CXCL1: variants seen among roughly 807,000 people sequenced by gnomAD.
The protein encoded by CXCL1 is C-X-C motif chemokine ligand 1, also known as growth-regulated alpha protein.
In CXCL1, 9 loss-of-function variants were observed where a neutral mutation model predicts 11.7. The observed-to-expected ratio is 0.77, with a 90% CI of 0.46 to 1.34. CXCL1 has a LOEUF of 1.34. Among genes scored for constraint, CXCL1 ranks in the 40% most tolerant of loss-of-function variants. CXCL1 has a pLI of 0.00. For synonymous variants in CXCL1, 78 were observed against 59.1 expected (o/e 1.32, Z -1.47); for missense variants, 146 against 138.1 (o/e 1.06, Z -0.29).
Position 73,870,645 on chromosome 4 carries a change from C to T in CXCL1, c.*109C>T. 1.5e-6 allele frequency: 2 copies of T among 1,319,520 alleles called. No homozygotes were observed. Among genetic ancestry groups the T allele is most frequent in the Middle Eastern group, 2.6e-4 (1 of 3,838 alleles). 81.7% of individuals were successfully genotyped at this position (1,319,520 alleles called of 1,614,324 possible). A position where few individuals can be genotyped will look rare whatever the true frequency, so the allele number is the denominator to read the frequency against. ...AGCTGCAGAGGCCACCTGGATTGTG[C>T]CTAATGTGTTTGAGCATCGCTTAGG... On this transcript the variant is annotated 3_prime_UTR_variant, in exon 4 of 4. Transcript: ENST00000395761.
intron 3 of CXCL1, 48 bp from the exon 4 acceptor site, chr4:73,870,473 A>G (rs777069333): frequency 3.7e-6 from 6 of 1,612,860 alleles, no homozygotes; most frequent in Non-Finnish European, 3.4e-6. Flanking sequence ...GTGTTGTGCA[A>G]TCAGCTTTCC....
Position 73,869,929 on chromosome 4 carries a change from A to T in CXCL1, c.248A>T (p.Lys83Ile), listed in dbSNP as rs760994074. The T allele has an allele frequency of 5.6e-6, 9 of 1,614,140 alleles. No homozygotes were observed. In the South Asian group the frequency reaches 9.9e-5, roughly 18 times the overall value. ...EVIATLKNGR[K>I]ACLNPASPIV... ...AGAGCCACACTCAAGAATGGGCGGA[A>T]AGCTTGCCTCAATCCTGCATCCCCC... Residue 83 changes from lysine (K) to isoleucine (I), a missense_variant, in exon 3 of 4, where the codon AAA (lysine) becomes ATA (isoleucine). Lys to Ile is a moderately radical substitution (Grantham distance 102). Coordinates refer to ENST00000395761, the MANE Select transcript of CXCL1 (RefSeq NM_001511.4).
Position 73,869,405 on chromosome 4 carries a change from C to T in CXCL1, c.-66C>T, listed in dbSNP as rs1731881297. 1 of 1,513,534 alleles carries T rather than the reference C, an allele frequency of 6.6e-7. No homozygotes were observed. The highest frequency in any genetic ancestry group is 8.9e-7 in the Non-Finnish European group (1 of 1,125,848). The allele number at this position is 1,513,534 out of a possible 1,614,324, so 93.8% of individuals were successfully genotyped here. A position where few individuals can be genotyped will look rare whatever the true frequency, so the allele number is the denominator to read the frequency against. On this transcript the variant is annotated 5_prime_UTR_variant, in exon 1 of 4. Coordinates refer to ENST00000395761, the MANE Select transcript of CXCL1 (RefSeq NM_001511.4). ...ATCTCGGAGAGCCACAGAGCCCGGG[C>T]CGCAGGCACCTCCTCGCCAGCTCTT...
At position 73,869,482 on chromosome 4, in the gene CXCL1, T is replaced by C. The variant is rs775928119; in HGVS notation, c.12T>C (p.Ala4=). The C allele has an allele frequency of 4.2e-5, 66 of 1,569,604 alleles. No individual in the cohort carries two copies. The highest frequency in any genetic ancestry group is 2.8e-4 in the South Asian group (24 of 87,132). The change falls in exon 1 of 4, where the codon GCT becomes GCC. Residue 4 remains alanine, a synonymous_variant. Transcript: ENST00000395761. MAR[A]ALSAAPSNPR... is the part of the protein sequence containing the mutation. ...GCCTGCTGAGCCCCATGGCCCGCGC[T>C]GCTCTCTCCGCCGCCCCCAGCAATC...
rs562459448 is a variant in CXCL1 at position 73,871,300 on chromosome 4, A to C, written c.*764A>C. ...CCTTTACTGGAAAATCTGGTGATTT[A>C]TATCAATATTTCTCAATTTTTTAAT... On this transcript the variant is annotated 3_prime_UTR_variant, in exon 4 of 4. Coordinates refer to ENST00000395761, the MANE Select transcript of CXCL1 (RefSeq NM_001511.4). 2.0e-5 allele frequency: 3 copies of C among 152,326 alleles called. No homozygotes were observed. In the South Asian group the frequency reaches 6.2e-4, roughly 32 times the overall value. The allele number at this position is 152,326 out of a possible 1,614,324, so 9.4% of individuals were successfully genotyped here.
In CXCL1 at chr4:73,869,584, C is replaced by T. The variant is rs1188701060; in HGVS notation, c.100+14C>T. The stretch of plus-strand genomic sequence containing the variant: ...GGCGCGCAGCAGGTGGGTACCGGCG[C>T]CCTGGGGTCCCCGGGCCGGACGCGG... On this transcript the variant is annotated intron_variant, in intron 1 of 3. Transcript: ENST00000395761. 5.6e-6 allele frequency: 9 copies of T among 1,612,312 alleles called. No individual in the cohort carries two copies. Among genetic ancestry groups the T allele is most frequent in the African/African-American group, 1.3e-5 (1 of 74,884 alleles).
rs1560521099 is a variant in CXCL1 at position 73,869,464 on chromosome 4, G to A, written c.-7G>A. On this transcript the variant is annotated 5_prime_UTR_variant, in exon 1 of 4. Coordinates refer to ENST00000395761, the MANE Select transcript of CXCL1 (RefSeq NM_001511.4). Reference sequence around the variant, plus strand: ...CTCACAGCCGCCAGACCCGCCTGCTGAGCCCCATGGCCCGCGCTGCTCTCT... The same window carrying A: ...CTCACAGCCGCCAGACCCGCCTGCTAAGCCCCATGGCCCGCGCTGCTCTCT... The A allele has an allele frequency of 6.4e-7, 1 of 1,554,588 alleles. No individual in the cohort carries two copies. The highest frequency in any genetic ancestry group is 2.4e-5 in the East Asian group (1 of 41,292).
chr4:73,869,728 C>T lies in CXCL1; in HGVS notation c.160C>T (p.Pro54Ser). 2 of 1,614,182 alleles carry T rather than the reference C, an allele frequency of 1.2e-6. No individual in the cohort carries two copies. Among genetic ancestry groups the T allele is most frequent in the Non-Finnish European group, 1.7e-6 (2 of 1,180,024 alleles). ...CTTGCAGACCCTGCAGGGAATTCAC[C>T]CCAAGAACATCCAAAGTGTGAACGT... ...QCLQTLQGIH[P>S]KNIQSVNVKS... Residue 54 changes from proline to serine, a missense_variant, in exon 2 of 4, where the codon CCC (proline) becomes TCC (serine). By Grantham distance (74) the Pro-to-Ser change is moderately conservative. Transcript: ENST00000395761.
chr4:73,869,891 C>G lies in CXCL1; in HGVS notation c.225-15C>G. On this transcript the variant is annotated splice_polypyrimidine_tract_variant and intron_variant, in intron 2 of 3. Coordinates refer to ENST00000395761, the MANE Select transcript of CXCL1 (RefSeq NM_001511.4). The stretch of plus-strand genomic sequence containing the variant: ...GCCCGACCTCCTGCCTCACGAGATT[C>G]CCTTCCCTCTGCAGAGCCACACTCA... 6.2e-7 allele frequency: 1 copy of G among 1,614,184 alleles called. No homozygotes were observed.
chr4:73,870,489 A>T, intron 3 of CXCL1, 32 bp from the exon 4 acceptor site: 2 of 1,613,786 alleles, frequency 1.2e-6, no homozygotes, highest in Non-Finnish European at 1.7e-6. Flanking sequence ...TTTCCCGAGC[A>T]CCTACTCAGG....
At position 73,870,821 on chromosome 4, in the gene CXCL1, A is replaced by C; in HGVS notation, c.*285A>C. The C allele has an allele frequency of 6.8e-6, 2 of 292,586 alleles. No individual in the cohort carries two copies. The highest frequency in any genetic ancestry group is 1.3e-5 in the Non-Finnish European group (2 of 156,930). The allele number at this position is 292,586 out of a possible 1,614,324, so 18.1% of individuals were successfully genotyped here. A position where few individuals can be genotyped will look rare whatever the true frequency, so the allele number is the denominator to read the frequency against. On this transcript the variant is annotated 3_prime_UTR_variant, in exon 4 of 4. Transcript: ENST00000395761. ...GAAATGTCAACCCCAAGTTAGTTCA[A>C]TCTGGATTCATATTTAATTTGAAGG... is the stretch of plus-strand genomic sequence containing the variant.
chr4:73,869,508 C>A lies in CXCL1; in HGVS notation c.38C>A (p.Pro13His). Residue 13 changes from proline to histidine, a missense_variant, in exon 1 of 4, where the codon CCC becomes CAC. Physicochemically the swap from Pro to His is moderately conservative, Grantham distance 77. Coordinates refer to ENST00000395761, the MANE Select transcript of CXCL1 (RefSeq NM_001511.4). ...GCTCTCTCCGCCGCCCCCAGCAATC[C>A]CCGGCTCCTGCGAGTGGCACTGCTG... is the stretch of plus-strand genomic sequence containing the variant. ...RAALSAAPSNPRLLRVALLLL... is the reference protein window; with the variant it reads ...RAALSAAPSNHRLLRVALLLL... 6.3e-7 allele frequency: 1 copy of A among 1,592,922 alleles called. No individual in the cohort carries two copies. Among genetic ancestry groups the A allele is most frequent in the African/African-American group, 1.3e-5 (1 of 74,442 alleles).
In CXCL1 at chr4:73,869,407, G is replaced by A. The variant is rs201096356; in HGVS notation, c.-64G>A. The stretch of plus-strand genomic sequence containing the variant: ...CTCGGAGAGCCACAGAGCCCGGGCC[G>A]CAGGCACCTCCTCGCCAGCTCTTCC... On this transcript the variant is annotated 5_prime_UTR_variant, in exon 1 of 4. Coordinates refer to ENST00000395761, the MANE Select transcript of CXCL1 (RefSeq NM_001511.4). 46 of 1,515,914 alleles carry A rather than the reference G, an allele frequency of 3.0e-5. 1 individual carries two copies. In the Admixed American group the frequency reaches 4.1e-4, roughly 14 times the overall value. 93.9% of individuals were successfully genotyped at this position (1,515,914 alleles called of 1,614,324 possible).
At chr4:73,870,018 G>T in intron 3 of CXCL1, 29 bp downstream of exon 3, 2 of 1,607,738 alleles carry the variant, frequency 1.2e-6, no homozygotes, top group South Asian at 2.2e-5. Context: ...GTACACAGGC[G>T]ACTGGAGCCG....
chr4:73,870,404 A>G, intron 3 of CXCL1, 117 bp from the exon 4 acceptor site: 2 of 1,293,812 alleles, frequency 1.5e-6, no homozygotes, highest in Non-Finnish European at 2.1e-6. Context: ...CTTGGTTGCC[A>G]GGCTGGGGAA....
chr4:73,870,070 A>G, intron 3 of CXCL1, 81 bp downstream of exon 3: 1 of 1,359,096 alleles, frequency 7.4e-7, no homozygotes, highest in East Asian at 2.4e-5. Context: ...AAATAAAATC[A>G]GGAAAACCCA....
rs895941777 is a variant in CXCL1, at chr4:73,869,432, C to T, written c.-39C>T. 1.3e-6 allele frequency: 2 copies of T among 1,538,960 alleles called. No individual in the cohort carries two copies. Among genetic ancestry groups the T allele is most frequent in the South Asian group, 1.2e-5 (1 of 84,322 alleles). ...GCAGGCACCTCCTCGCCAGCTCTTC[C>T]GCTCCTCTCACAGCCGCCAGACCCG... On this transcript the variant is annotated 5_prime_UTR_variant, in exon 1 of 4. Coordinates refer to ENST00000395761, the MANE Select transcript of CXCL1 (RefSeq NM_001511.4).
chr4:73,869,683 A>T lies in CXCL1; in HGVS notation c.115A>T (p.Thr39Ser). The change falls in exon 2 of 4, where the codon ACT becomes TCT. Residue 39 changes from threonine (T) to serine (S), a missense_variant. By Grantham distance (58) the Thr-to-Ser change is moderately conservative. Transcript: ENST00000395761. The part of the protein sequence containing the change: ...GRRAAGASVA[T>S]ELRCQCLQTL... ...TTCTTCCCTAGGAGCGTCCGTGGCCACTGAACTGCGCTGCCAGTGCTTGCA... is the reference window on the plus strand; with the variant it reads ...TTCTTCCCTAGGAGCGTCCGTGGCCTCTGAACTGCGCTGCCAGTGCTTGCA... 1 of 1,614,148 alleles carries T rather than the reference A, an allele frequency of 6.2e-7. No homozygotes were observed.
In CXCL1 at chr4:73,869,742, A is replaced by G. The variant is rs200728596; in HGVS notation, c.174A>G (p.Gln58=). The G allele has an allele frequency of 5.6e-5, 90 of 1,613,806 alleles. No homozygotes were observed. Among genetic ancestry groups the G allele is most frequent in the Non-Finnish European group, 2.5e-6 (3 of 1,179,948 alleles). ...AGGGAATTCACCCCAAGAACATCCA[A>G]AGTGTGAACGTGAAGTCCCCCGGAC... is the stretch of plus-strand genomic sequence containing the variant. ...TLQGIHPKNI[Q]SVNVKSPGPH... is the part of the protein sequence containing the mutation. The change falls in exon 2 of 4, where the codon CAA becomes CAG. Residue 58 remains glutamine, a synonymous_variant. Coordinates refer to ENST00000395761, the MANE Select transcript of CXCL1 (RefSeq NM_001511.4).
Sources: allele counts gnomAD v4.1 joint callset, GRCh38; gene constraint gnomAD v4.1.1; transcripts MANE v1.5; gene names NCBI Gene and HGNC (gene_info 2026-07-23, HGNC 2026-07-21).